ELL: variants seen among roughly 807,000 people sequenced by gnomAD.
The protein encoded by ELL is elongation factor for RNA polymerase II.
ELL carries 18 observed loss-of-function variants against 64.0 expected under a neutral mutation model. That is an observed-to-expected ratio of 0.28 (90% confidence interval 0.19 to 0.42). The LOEUF is 0.42. Among genes scored for constraint, ELL ranks in the 10% least tolerant of loss-of-function variants. The probability of loss-of-function intolerance (pLI) is 1.00; values close to 1 mark genes in which losing one functional copy is unlikely to be tolerated. For missense variants in ELL, 797 were observed against 870.4 expected (o/e 0.92, Z 1.06); for synonymous variants, 399 against 376.2 (o/e 1.06, Z -0.70).
intron 1 of ELL, among the ~76,000 whole-genome samples, chr19:18,518,013 G>A (rs1007479325): frequency 6.6e-6 from 1 of 151,584 alleles, no homozygotes. Flanking sequence ...CTGAGGTCAG[G>A]AGTTCGAGAC....
intron 1 of ELL, among the ~76,000 whole-genome samples, chr19:18,511,633 C>T (rs4808812): frequency 0.32 from 48,471 of 151,934 alleles, 9,682 homozygotes; most frequent in African/African-American, 0.57. Context: ...ACCATACCAC[C>T]GGAGGGGGCC....
rs73923115 is a variant in ELL, at chr19:18,446,807, G to A, written c.1473C>T (p.Asn491=). ...GAACACTGGAAACGCTGCAGGTTCCGTTTAAACCTACGAGAGCAAACACAT... is the reference window on the plus strand; with the variant it reads ...GAACACTGGAAACGCTGCAGGTTCCATTTAAACCTACGAGAGCAAACACAT... The part of the protein sequence containing the change: ...PGAPADTPGL[N]GTCSVSSVPT... Residue 491 remains asparagine (N), a synonymous_variant, in exon 9 of 12, where the codon AAC becomes AAT. Coordinates refer to ENST00000262809, the MANE Select transcript of ELL (RefSeq NM_006532.4). The A allele has an allele frequency of 4.0e-4, 647 of 1,614,070 alleles. 3 individuals are homozygous for A. The African/African-American group carries it at 4.4e-3, about 11-fold the overall frequency.
rs777057101 is a variant in ELL at position 18,446,296 on chromosome 19, G to T, written c.1704+13C>A. The T allele has an allele frequency of 4.5e-6, 7 of 1,558,558 alleles. No homozygotes were observed. Among genetic ancestry groups the T allele is most frequent in the Non-Finnish European group, 5.2e-6 (6 of 1,155,422 alleles). On this transcript the variant is annotated intron_variant, in intron 10 of 11. Coordinates refer to ENST00000262809, the MANE Select transcript of ELL (RefSeq NM_006532.4). The stretch of plus-strand genomic sequence containing the variant: ...CCAGAGCCAGGGCACAGTAGGCAGC[G>T]GGGGGGCTCTACCTCATACTCCTCG...
intron 1 of ELL, among the ~76,000 whole-genome samples, chr19:18,477,533 T>G (rs1428167175): frequency 6.6e-6 from 1 of 151,940 alleles, no homozygotes; most frequent in Non-Finnish European, 1.5e-5. Context: ...CATGAGCAAA[T>G]CAGCACAGCC....
At chr19:18,511,262 G>A (rs1465970574) in intron 1 of ELL, among the ~76,000 whole-genome samples, 4 of 139,140 alleles carry the variant, frequency 2.9e-5, no homozygotes, top group East Asian at 4.3e-4. Context: ...GCGAAACTCC[G>A]TCTCAAAAAA....
At chr19:18,512,838 G>A (rs1976054496) in intron 1 of ELL, among the ~76,000 whole-genome samples, 1 of 152,146 alleles carries the variant, frequency 6.6e-6, no homozygotes, top group African/African-American at 2.4e-5. Flanking sequence ...GCCCCAAATT[G>A]TCAGTGGGAG....
rs916942860 is a variant in ELL, at chr19:18,463,760, C to T, written c.469+1652G>A. On this transcript the variant is annotated intron_variant, in intron 4 of 11. Transcript: ENST00000262809. ...TTGGGATGCTGAGGTGGGCGGATTA[C>T]GAGGTCAGGAGATCGAGACCGTCCT... 5.3e-5 allele frequency among the ~76,000 whole-genome samples: 8 copies of T among 151,634 alleles called. No homozygotes were observed. In the South Asian group the frequency reaches 6.3e-4, roughly 12 times the overall value.
At chr19:18,521,644 G>A (rs1976280363) in intron 1 of ELL, among the ~76,000 whole-genome samples, 2 of 152,052 alleles carry the variant, frequency 1.3e-5, no homozygotes, top group East Asian at 1.9e-4. Context: ...GACGCCGCCA[G>A]GTGCCGACAC....
intron 1 of ELL, among the ~76,000 whole-genome samples, chr19:18,508,910 A>G (rs1455861284): frequency 6.6e-6 from 1 of 152,118 alleles, no homozygotes; most frequent in Non-Finnish European, 1.5e-5. Context: ...AGATCACACT[A>G]CAGCCCACTC....
intron 7 of ELL, among the ~76,000 whole-genome samples, 183 bp from the exon 8 acceptor site, chr19:18,451,158 A>C (rs938606041): frequency 1.3e-5 from 2 of 152,108 alleles, no homozygotes; most frequent in Non-Finnish European, 2.9e-5. Context: ...GGGGCCCATC[A>C]GCCTGCTGGG....
intron 2 of ELL, among the ~76,000 whole-genome samples, chr19:18,466,642 C>T (rs539222661): frequency 6.6e-6 from 1 of 152,346 alleles, no homozygotes; most frequent in South Asian, 2.1e-4. Context: ...CCCGGCCAGG[C>T]TCAGTGCAGG....
chr19:18,447,303 A>C (rs1014460899), intron 8 of ELL, among the ~76,000 whole-genome samples: 1 of 152,216 alleles, frequency 6.6e-6, no homozygotes, highest in Admixed American at 6.5e-5. Context: ...GGACAAAGAC[A>C]AGATGGCCAG....
At chr19:18,521,660 C>T (rs1193598920) in intron 1 of ELL, among the ~76,000 whole-genome samples, 1 of 151,558 alleles carries the variant, frequency 6.6e-6, no homozygotes, top group South Asian at 2.1e-4. Context: ...GACACCGACG[C>T]CCCCCGGGCC....
intron 1 of ELL, among the ~76,000 whole-genome samples, chr19:18,520,924 G>C: frequency 6.6e-6 from 1 of 151,876 alleles, no homozygotes; most frequent in Non-Finnish European, 1.5e-5. Flanking sequence ...GACGGGGGGA[G>C]GGGGGGCCAT....
intron 1 of ELL, among the ~76,000 whole-genome samples, chr19:18,518,497 A>G (rs1216108251): frequency 1.3e-5 from 2 of 151,012 alleles, no homozygotes; most frequent in African/African-American, 4.9e-5. Flanking sequence ...CTCAAAAAAA[A>G]AAAAAAAGGG....
rs2144904762 is a variant in ELL, at chr19:18,456,438, G to A, written c.869+1767C>T. Reference sequence around the variant, plus strand: ...ACCATCGTCTGGGCATGAAGATGTGGCCAGCAGTCCTCCTGGAGCCCTGTC... The same window carrying A: ...ACCATCGTCTGGGCATGAAGATGTGACCAGCAGTCCTCCTGGAGCCCTGTC... On this transcript the variant is annotated intron_variant, in intron 6 of 11. Coordinates refer to ENST00000262809, the MANE Select transcript of ELL (RefSeq NM_006532.4). 2.0e-5 allele frequency among the ~76,000 whole-genome samples: 3 copies of A among 152,360 alleles called. No homozygotes were observed. In the Middle Eastern group the frequency reaches 0.01, roughly 518 times the overall value.
chr19:18,502,743 C>T (rs1474323853), intron 1 of ELL, among the ~76,000 whole-genome samples: 2 of 152,178 alleles, frequency 1.3e-5, no homozygotes, highest in Non-Finnish European at 2.9e-5. Flanking sequence ...AGTGGGAACA[C>T]GGGGTGGCAG....
chr19:18,498,050 C>T (rs1975697215), intron 1 of ELL, among the ~76,000 whole-genome samples: 1 of 151,872 alleles, frequency 6.6e-6, no homozygotes, highest in Admixed American at 6.6e-5. Context: ...ATCACTTGAA[C>T]CCAGGAGGTG....
intron 1 of ELL, among the ~76,000 whole-genome samples, chr19:18,503,691 T>C (rs904391274): frequency 6.6e-6 from 1 of 152,122 alleles, no homozygotes; most frequent in African/African-American, 2.4e-5. Flanking sequence ...CCTGTTACTC[T>C]GGCCACCTGG....
Sources: allele counts gnomAD v4.1 joint callset (sites outside exome capture counted in the v4.1 genomes callset), GRCh38; gene constraint gnomAD v4.1.1; transcripts MANE v1.5; gene names NCBI Gene and HGNC (gene_info 2026-07-23, HGNC 2026-07-21).